The following NAA60 variants were observed in gnomAD, a reference collection of about 807,000 sequenced individuals.
NAA60 encodes the protein N-alpha-acetyltransferase 60.
In NAA60, 8 loss-of-function variants were observed where a neutral mutation model predicts 26.1. That is an observed-to-expected ratio of 0.31 (90% CI 0.18 to 0.55). The LOEUF is 0.55. Among genes scored for constraint, NAA60 ranks in the 20% least tolerant of loss-of-function variants. The probability of loss-of-function intolerance (pLI) is 0.93; values close to 1 mark genes in which losing one functional copy is unlikely to be tolerated. For synonymous variants in NAA60, 131 were observed against 122.5 expected (o/e 1.07, Z -0.46); for missense variants, 290 against 311.3 (o/e 0.93, Z 0.51).
chr16:3,474,081 G>A (rs930839531), intron 2 of NAA60, among the ~76,000 whole-genome samples: 2 of 152,044 alleles, frequency 1.3e-5, no homozygotes, highest in African/African-American at 4.8e-5. Context: ...CAGAACCGTG[G>A]GAACAAAGGG....
intron 2 of NAA60, among the ~76,000 whole-genome samples, chr16:3,474,880 A>T (rs1596339588): frequency 6.6e-6 from 1 of 152,234 alleles, no homozygotes; most frequent in Non-Finnish European, 1.5e-5. Context: ...CGCTGAGATG[A>T]ACTACGCAGT....
chr16:3,482,766 A>G (rs980858088), intron 5 of NAA60, 168 bp downstream of exon 5: 18 of 629,480 alleles, frequency 2.9e-5, no homozygotes, highest in Admixed American at 1.2e-4. Flanking sequence ...GACCTTCATC[A>G]TCCCTCCCCT....
At chr16:3,468,573 C>T (rs1167034182) in intron 2 of NAA60, among the ~76,000 whole-genome samples, 1 of 152,168 alleles carries the variant, frequency 6.6e-6, no homozygotes, top group Non-Finnish European at 1.5e-5. Context: ...ACAGGCAGCT[C>T]AGGAGCACGG....
intron 1 of NAA60, 23 bp downstream of exon 1, chr16:3,443,860 T>A: frequency 6.5e-7 from 1 of 1,528,440 alleles, no homozygotes; most frequent in Non-Finnish European, 8.7e-7. Flanking sequence ...AACAGTGCCC[T>A]GTAGGCCTGA....
In NAA60 at chr16:3,469,631, C is replaced by T. The variant is rs938563508; in HGVS notation, c.-6-6591C>T. On this transcript the variant is annotated intron_variant, in intron 2 of 7. Coordinates refer to ENST00000407558, the MANE Select transcript of NAA60 (RefSeq NM_001083601.3). ...CTCCGCACTGCACTGCCCTGGTACC[C>T]GTCCTGTTTGGAGGGCTCAGAGCAG... is the stretch of plus-strand genomic sequence containing the variant. 9.4e-5 allele frequency among the ~76,000 whole-genome samples: 14 copies of T among 149,206 alleles called. 1 individual carries two copies. The highest frequency in any genetic ancestry group is 2.0e-4 in the Non-Finnish European group (13 of 66,644).
intron 6 of NAA60, 94 bp downstream of exon 6, chr16:3,483,691 G>A: frequency 1.0e-6 from 1 of 971,212 alleles, no homozygotes; most frequent in Non-Finnish European, 1.6e-6. Flanking sequence ...CCCCTCAGAT[G>A]ATGTTCAGGT....
At chr16:3,471,086 A>G (rs1169389414) in intron 2 of NAA60, among the ~76,000 whole-genome samples, 5 of 152,226 alleles carry the variant, frequency 3.3e-5, no homozygotes, top group African/African-American at 4.8e-5. Flanking sequence ...TGAAATTCAC[A>G]CTGGAAACAA....
At chr16:3,447,677 G>GA in intron 1 of NAA60, 1 of 976,626 alleles carries the variant, frequency 1.0e-6, no homozygotes, top group Non-Finnish European at 1.2e-6. Flanking sequence ...CTGGTGTTCA[G>GA]AATGCTTGAT....
intron 2 of NAA60, among the ~76,000 whole-genome samples, chr16:3,466,998 G>C (rs2035805182): frequency 6.6e-6 from 1 of 152,174 alleles, no homozygotes; most frequent in Non-Finnish European, 1.5e-5. Context: ...GTGGCAGGGA[G>C]GCCTGCCCAA....
Position 3,458,275 on chromosome 16 carries a change from G to A in NAA60, c.-7+9735G>A, listed in dbSNP as rs374588191. The A allele has an allele frequency of 1.2e-5, 10 of 820,710 alleles. No homozygotes were observed. The Admixed American group carries it at 2.5e-4, about 21-fold the overall frequency. 50.8% of individuals were successfully genotyped at this position (820,710 alleles called of 1,614,324 possible). A position where few individuals can be genotyped will look rare whatever the true frequency, so the allele number is the denominator to read the frequency against. On this transcript the variant is annotated intron_variant, in intron 2 of 7. Transcript: ENST00000407558. The stretch of plus-strand genomic sequence containing the variant: ...GGGAGGCCGCGCCGGGGTCAGGGGG[G>A]CCAGCGCCCACCGGGTACGAGCGCG...
At chr16:3,465,663 G>T (rs780866461) in intron 2 of NAA60, among the ~76,000 whole-genome samples, 1 of 152,186 alleles carries the variant, frequency 6.6e-6, no homozygotes, top group Non-Finnish European at 1.5e-5. Context: ...GCCTTCTTCT[G>T]TGTGACCCCT....
At chr16:3,483,255 G>C (rs1337664954) in intron 5 of NAA60, 108 bp from the exon 6 acceptor site, 2 of 802,866 alleles carry the variant, frequency 2.5e-6, no homozygotes, top group African/African-American at 3.5e-5. Context: ...TCTCTGATAC[G>C]GTGGGCCGAG....
At position 3,476,257 on chromosome 16, in the gene NAA60, C is replaced by T. The variant is rs2036476727; in HGVS notation, c.30C>T (p.Leu10=). Residue 10 remains leucine (L), a synonymous_variant, in exon 3 of 8, where the codon CTC becomes CTT. Coordinates refer to ENST00000407558, the MANE Select transcript of NAA60 (RefSeq NM_001083601.3). ...CAGAGGTGGTGCCATCCAGCGCGCTCAGCGAGGTCAGCCTGCGCCTCCTCT... is the reference window on the plus strand; with the variant it reads ...CAGAGGTGGTGCCATCCAGCGCGCTTAGCGAGGTCAGCCTGCGCCTCCTCT... MTEVVPSSA[L]SEVSLRLLCH... 1 of 1,613,730 alleles carries T rather than the reference C, an allele frequency of 6.2e-7. No individual in the cohort carries two copies.
intron 6 of NAA60, chr16:3,483,826 C>G: frequency 1.8e-6 from 1 of 543,348 alleles, no homozygotes. Flanking sequence ...CTCCTAAGCT[C>G]AAATGATCCG....
At chr16:3,452,198 G>A (rs534100849) in intron 2 of NAA60, among the ~76,000 whole-genome samples, 2 of 152,238 alleles carry the variant, frequency 1.3e-5, no homozygotes, top group Admixed American at 6.5e-5. Flanking sequence ...GGATGACAGA[G>A]TGAGACCTTG....
intron 2 of NAA60, among the ~76,000 whole-genome samples, chr16:3,459,532 C>T (rs866346228): frequency 3.3e-5 from 5 of 152,200 alleles, no homozygotes; most frequent in African/African-American, 1.2e-4. Flanking sequence ...TTCATCACAG[C>T]AGTGAAGGCT....
At chr16:3,443,613 C>A, upstream of NAA60, 1 of 813,482 alleles carries the variant, frequency 1.2e-6, no homozygotes. Context: ...AACACCTTAA[C>A]CGAGGACCTG....
intron 6 of NAA60, 186 bp downstream of exon 6, chr16:3,483,783 A>G (rs761225885): frequency 3.4e-5 from 20 of 595,610 alleles, no homozygotes; most frequent in Non-Finnish European, 5.3e-5. Context: ...ATCGAGTTGC[A>G]CATATTACCA....
At chr16:3,454,013 G>A (rs2034883868) in intron 2 of NAA60, among the ~76,000 whole-genome samples, 1 of 152,150 alleles carries the variant, frequency 6.6e-6, no homozygotes, top group African/African-American at 2.4e-5. Context: ...TCCTCTATGG[G>A]TAAATGAGAG....
Sources: gnomAD v4.1 joint callset for allele counts (sites outside exome capture counted in the v4.1 genomes callset) on GRCh38, gnomAD v4.1.1 for gene constraint, MANE v1.5 for transcripts, NCBI Gene and HGNC (gene_info 2026-07-23, HGNC 2026-07-21) for gene names.